The following FYTTD1 variants were observed in gnomAD, a reference collection of about 807,000 sequenced individuals.
The protein encoded by FYTTD1 is UAP56-interacting factor.
In FYTTD1, 22 loss-of-function variants were observed where a neutral mutation model predicts 40.9. The observed-to-expected ratio is 0.54, with a 90% CI of 0.38 to 0.77. The LOEUF is 0.77. FYTTD1 is among the 30% of genes least tolerant of loss of function. The pLI is 0.00. For synonymous variants in FYTTD1, 140 were observed against 137.9 expected (o/e 1.01, Z -0.10); for missense variants, 351 against 392.2 (o/e 0.90, Z 0.89).
chr3:197,768,918 G>A (rs1025457445), intron 3 of FYTTD1, among the ~76,000 whole-genome samples: 25 of 139,818 alleles, frequency 1.8e-4, no homozygotes, highest in African/African-American at 5.6e-4. Context: ...TCAGCCTCCC[G>A]AGTAGCTGGG....
intron 6 of FYTTD1, 27 bp from the exon 7 acceptor site, chr3:197,776,900 A>C (rs763392617): frequency 1.3e-6 from 2 of 1,488,506 alleles, no homozygotes; most frequent in Admixed American, 3.4e-5. Flanking sequence ...ACATTTAATG[A>C]ATTTTTTTTA....
At chr3:197,774,856 A>C (rs1289394615) in intron 6 of FYTTD1, among the ~76,000 whole-genome samples, 2 of 152,236 alleles carry the variant, frequency 1.3e-5, no homozygotes, top group Admixed American at 1.3e-4. Flanking sequence ...GCCAGTGCAC[A>C]CCAGCCTGAG....
intron 2 of FYTTD1, among the ~76,000 whole-genome samples, chr3:197,761,923 C>T (rs1729399813): frequency 6.6e-6 from 1 of 152,202 alleles, no homozygotes; most frequent in Non-Finnish European, 1.5e-5. Flanking sequence ...TGGAGATTAG[C>T]AGTTCAAGGT....
At chr3:197,775,122 A>T (rs1248386664) in intron 6 of FYTTD1, among the ~76,000 whole-genome samples, 3 of 152,192 alleles carry the variant, frequency 2.0e-5, no homozygotes, top group Non-Finnish European at 4.4e-5. Flanking sequence ...ATACAAATGA[A>T]CCTATTTAGG....
At chr3:197,762,537 C>T (rs1453269968) in intron 2 of FYTTD1, among the ~76,000 whole-genome samples, 7 of 150,326 alleles carry the variant, frequency 4.7e-5, no homozygotes, top group Non-Finnish European at 7.4e-5. Context: ...TGTAGTGAGC[C>T]GAGATCGCGT....
intron 4 of FYTTD1, among the ~76,000 whole-genome samples, chr3:197,771,694 G>A (rs1195530816): frequency 1.4e-5 from 2 of 144,780 alleles, no homozygotes; most frequent in African/African-American, 5.1e-5. Context: ...GGAGAATGGC[G>A]TGAACCCGGG....
chr3:197,782,214 T>C lies in FYTTD1; in HGVS notation c.*305T>C, dbSNP rs1294897842. On this transcript the variant is annotated 3_prime_UTR_variant, in exon 9 of 9. Transcript: ENST00000241502. ...AAGACAGAAAGATAGAAATTGATTATTTTTATGATAGCAGTATTCAGGATC... is the reference window on the plus strand; with the variant it reads ...AAGACAGAAAGATAGAAATTGATTACTTTTATGATAGCAGTATTCAGGATC... 5.0e-6 allele frequency: 1 copy of C among 200,438 alleles called. No individual in the cohort carries two copies. The highest frequency in any genetic ancestry group is 2.3e-5 in the African/African-American group (1 of 43,290). 12.4% of individuals were successfully genotyped at this position (200,438 alleles called of 1,614,324 possible). A position where few individuals can be genotyped will look rare whatever the true frequency, so the allele number is the denominator to read the frequency against.
Position 197,784,352 on chromosome 3 carries a change from G to A in FYTTD1, c.*2443G>A, listed in dbSNP as rs563893080. Reference sequence around the variant, plus strand: ...TGGTTTTTAGATTGTTCTATGTTACGAAGAACTTTGTAGTGGTTATCTATA... The same window carrying A: ...TGGTTTTTAGATTGTTCTATGTTACAAAGAACTTTGTAGTGGTTATCTATA... On this transcript the variant is annotated 3_prime_UTR_variant, in exon 9 of 9. Coordinates refer to ENST00000241502, the MANE Select transcript of FYTTD1 (RefSeq NM_032288.7). 2 of 152,256 alleles carry A rather than the reference G, an allele frequency of 1.3e-5. No individual in the cohort carries two copies. Among genetic ancestry groups the A allele is most frequent in the Non-Finnish European group, 2.9e-5 (2 of 68,024 alleles). 9.4% of individuals were successfully genotyped at this position (152,256 alleles called of 1,614,324 possible). A position where few individuals can be genotyped will look rare whatever the true frequency, so the allele number is the denominator to read the frequency against.
intron 1 of FYTTD1, 90 bp from the exon 2 acceptor site, chr3:197,756,332 AAGTT>A: frequency 2.4e-6 from 2 of 844,738 alleles, no homozygotes; most frequent in Non-Finnish European, 3.8e-6. Flanking sequence ...AGTAGAAAAG[AAGTT>A]AGGAACGTAG....
intron 1 of FYTTD1, among the ~76,000 whole-genome samples, chr3:197,752,577 C>T (rs1333975647): frequency 1.3e-5 from 2 of 151,196 alleles, no homozygotes; most frequent in African/African-American, 2.4e-5. Flanking sequence ...GTATATATGG[C>T]TTTATTTTTC....
At chr3:197,750,121 G>A (rs946545565) in intron 1 of FYTTD1, 47 bp downstream of exon 1, 36 of 1,412,516 alleles carry the variant, frequency 2.5e-5, no homozygotes, top group Non-Finnish European at 3.3e-5. Flanking sequence ...GAGGGCGCGG[G>A]TGGAAGCCGG....
intron 8 of FYTTD1, among the ~76,000 whole-genome samples, chr3:197,779,146 G>A (rs1729954432): frequency 6.6e-6 from 1 of 152,222 alleles, no homozygotes; most frequent in African/African-American, 2.4e-5. Context: ...CAGGTGCGGT[G>A]GCTCACGCCT....
intron 4 of FYTTD1, among the ~76,000 whole-genome samples, chr3:197,773,066 C>A (rs1292022141): frequency 6.6e-6 from 1 of 152,054 alleles, no homozygotes; most frequent in Non-Finnish European, 1.5e-5. Flanking sequence ...TTGTACTAAT[C>A]CTATAAATTG....
chr3:197,767,953 G>C (rs1244826832), intron 2 of FYTTD1, among the ~76,000 whole-genome samples: 2 of 152,168 alleles, frequency 1.3e-5, no homozygotes, highest in Non-Finnish European at 2.9e-5. Context: ...TTCCACTCTA[G>C]ATCAGCACTG....
chr3:197,765,279 C>A (rs2109044446), intron 2 of FYTTD1, among the ~76,000 whole-genome samples: 1 of 152,144 alleles, frequency 6.6e-6, no homozygotes, highest in East Asian at 1.9e-4. Flanking sequence ...TTAATCGTTT[C>A]TTTTTTGCCC....
intron 1 of FYTTD1, among the ~76,000 whole-genome samples, chr3:197,751,659 A>G (rs1560490549): frequency 7.1e-6 from 1 of 141,386 alleles, no homozygotes; most frequent in Non-Finnish European, 1.5e-5. Flanking sequence ...CGCAAAAAAG[A>G]GAGAGAAACC....
chr3:197,757,977 C>T (rs925715207), intron 2 of FYTTD1, among the ~76,000 whole-genome samples: 3 of 152,240 alleles, frequency 2.0e-5, no homozygotes, highest in Admixed American at 2.0e-4. Context: ...GATCTTGGCT[C>T]ACTGCAGCCT....
chr3:197,750,027 C>G lies in FYTTD1; in HGVS notation c.56C>G (p.Pro19Arg), dbSNP rs199936115. The change falls in exon 1 of 9, where the codon CCG (proline) becomes CGG (arginine). Residue 19 changes from proline to arginine, a missense_variant. Pro to Arg is a moderately radical substitution (Grantham distance 103, BLOSUM62 -2). Coordinates refer to ENST00000241502, the MANE Select transcript of FYTTD1 (RefSeq NM_032288.7). ...GCCACGGCGACTTCTTCGCCGCCGC[C>G]GAAGGCCCGCAGCAATGAAAACCTC... is the stretch of plus-strand genomic sequence containing the variant. Reference protein sequence around the residue: ...VGATATSSPPPKARSNENLDK... With the variant: ...VGATATSSPPRKARSNENLDK... 1.2e-5 allele frequency: 19 copies of G among 1,583,154 alleles called. No individual in the cohort carries two copies. Among genetic ancestry groups the G allele is most frequent in the East Asian group, 2.5e-5 (1 of 40,686 alleles).
intron 1 of FYTTD1, among the ~76,000 whole-genome samples, chr3:197,754,914 T>C (rs1729167478): frequency 6.6e-6 from 1 of 152,190 alleles, no homozygotes; most frequent in Non-Finnish European, 1.5e-5. Flanking sequence ...CATTCTCCCA[T>C]CTCACCTCTA....
Sources: allele counts gnomAD v4.1 joint callset (sites outside exome capture counted in the v4.1 genomes callset), GRCh38; gene constraint gnomAD v4.1.1; transcripts MANE v1.5; gene names NCBI Gene and HGNC (gene_info 2026-07-23, HGNC 2026-07-21).